PCDH10: variants seen among roughly 807,000 people sequenced by gnomAD.
The protein encoded by PCDH10 is protocadherin 10.
Under a neutral mutation model 74.4 loss-of-function variants are expected in PCDH10, and 15 were observed. The ratio of observed to expected loss-of-function variants is 0.20; its 90% CI spans 0.13 to 0.31. The LOEUF is 0.31. Ranked by LOEUF, PCDH10 falls within the 10% of genes least tolerant of loss-of-function variation. The probability of loss-of-function intolerance (pLI) is 1.00; values close to 1 mark genes in which losing one functional copy is unlikely to be tolerated. For missense variants in PCDH10, 1,260 were observed against 1,390.2 expected (o/e 0.91, Z 1.49); for synonymous variants, 619 against 589.8 (o/e 1.05, Z -0.72).
chr4:133,197,021 T>C (rs1263209745), downstream of PCDH10, among the ~76,000 whole-genome samples: 5 of 152,190 alleles, frequency 3.3e-5, no homozygotes, highest in Non-Finnish European at 4.4e-5. Context: ...GAAAGTAGAC[T>C]TGCCATTGGT....
Position 133,150,304 on chromosome 4 carries a change from C to G in PCDH10, c.164C>G (p.Thr55Arg), listed in dbSNP as rs199719551. 1 of 1,613,676 alleles carries G rather than the reference C, an allele frequency of 6.2e-7. No individual in the cohort carries two copies. Among genetic ancestry groups the G allele is most frequent in the Non-Finnish European group, 8.5e-7 (1 of 1,179,872 alleles). ...AAACTTTCGGCTCGCGGGTTTCAGA[C>G]GGTGCCCAACTCAAGGACCCCTTAC... ...ITKLSARGFQ[T>R]VPNSRTPYLD... Residue 55 changes from threonine (T) to arginine (R), a missense_variant, in exon 1 of 5, where the codon ACG becomes AGG. Thr to Arg is a moderately conservative substitution (Grantham distance 71). Around this residue, in one of 11 missense-constraint regions of PCDH10, gnomAD observed 103 missense variants for 91.5 expected, o/e 1.13. Coordinates refer to ENST00000264360, the MANE Select transcript of PCDH10 (RefSeq NM_032961.3).
At position 133,151,811 on chromosome 4, in the gene PCDH10, C is replaced by A; in HGVS notation, c.1671C>A (p.Asn557Lys). The change falls in exon 1 of 5, where the codon AAC becomes AAA. Residue 557 changes from asparagine to lysine, a missense_variant. Asn to Lys is a moderately conservative substitution (Grantham distance 94, BLOSUM62 0). Around this residue, in one of 11 missense-constraint regions of PCDH10, gnomAD observed 587 missense variants for 616.9 expected, o/e 0.95. Transcript: ENST00000264360. ...GCAGCCCCCAGGCGCTGGCTGGTAA[C>A]GCCACTGTCAACATCCTCATAGTGG... ...DAGSPQALAG[N>K]ATVNILIVDQ... The A allele has an allele frequency of 1.2e-6, 2 of 1,613,116 alleles. No homozygotes were observed. The highest frequency in any genetic ancestry group is 1.1e-5 in the South Asian group (1 of 91,086).
At chr4:133,173,151 G>A (rs566220895) in intron 4 of PCDH10, among the ~76,000 whole-genome samples, 1 of 152,086 alleles carries the variant, frequency 6.6e-6, no homozygotes, top group East Asian at 1.9e-4. Context: ...GTGACAAATT[G>A]TGGACTATGA....
At chr4:133,165,671 C>T (rs1041411105) in intron 4 of PCDH10, among the ~76,000 whole-genome samples, 1 of 151,594 alleles carries the variant, frequency 6.6e-6, no homozygotes, top group African/African-American at 2.4e-5. Context: ...ATATAATGTA[C>T]ATTTTGATGT....
At chr4:133,170,697 T>C (rs1055405928) in intron 4 of PCDH10, among the ~76,000 whole-genome samples, 10 of 139,564 alleles carry the variant, frequency 7.2e-5, no homozygotes, top group Admixed American at 6.8e-5. Context: ...CTTTTTGTTT[T>C]TGATTTTTTT....
chr4:133,161,791 C>A (rs1210849096), intron 3 of PCDH10, among the ~76,000 whole-genome samples: 2 of 151,950 alleles, frequency 1.3e-5, no homozygotes, highest in Non-Finnish European at 1.5e-5. Flanking sequence ...TCATTCCACA[C>A]CCAGCTCCAT....
intron 4 of PCDH10, among the ~76,000 whole-genome samples, chr4:133,169,282 T>G (rs1357960457): frequency 6.6e-6 from 1 of 151,918 alleles, no homozygotes; most frequent in African/African-American, 2.4e-5. Context: ...AGGATTTATT[T>G]ATTTGCATTT....
chr4:133,188,665 GTTT>G (rs1167321577), intron 4 of PCDH10, among the ~76,000 whole-genome samples: 104 of 74,654 alleles, frequency 1.4e-3, no homozygotes, highest in African/African-American at 5.0e-3. Flanking sequence ...ACTGCTATGG[GTTT>G]TTTTTTTTTT....
Position 133,151,862 on chromosome 4 carries a change from C to G in PCDH10, c.1722C>G (p.Ile574Met), listed in dbSNP as rs764357238. The part of the protein sequence containing the change: ...IVDQNDNAPA[I>M]VAPLPGRNGT... ...ATCAAAATGACAACGCCCCTGCCAT[C>G]GTGGCGCCTCTACCAGGGCGCAACG... Residue 574 changes from isoleucine (I) to methionine (M), a missense_variant, in exon 1 of 5, where the codon ATC (isoleucine) becomes ATG (methionine). Ile to Met is a conservative substitution (Grantham distance 10). This residue lies in a region of PCDH10 where 587 missense variants were observed against 616.9 expected (regional missense o/e 0.95). Transcript: ENST00000264360. The G allele has an allele frequency of 6.2e-7, 1 of 1,613,124 alleles. No individual in the cohort carries two copies. Among genetic ancestry groups the G allele is most frequent in the East Asian group, 2.2e-5 (1 of 44,876 alleles).
At chr4:133,179,921 C>T (rs1727377501) in intron 4 of PCDH10, among the ~76,000 whole-genome samples, 1 of 151,888 alleles carries the variant, frequency 6.6e-6, no homozygotes, top group South Asian at 2.1e-4. Context: ...TCTACCCTGA[C>T]TTAGATAAAT....
At chr4:133,199,485 C>A (rs907203777), downstream of PCDH10, among the ~76,000 whole-genome samples, 6 of 150,552 alleles carry the variant, frequency 4.0e-5, no homozygotes, top group South Asian at 1.3e-3. Context: ...AATTGAGAGG[C>A]ATTTCGGGGG....
chr4:133,154,849 T>C, intron 2 of PCDH10, 68 bp from the exon 3 acceptor site: 4 of 1,084,066 alleles, frequency 3.7e-6, no homozygotes, highest in Non-Finnish European at 5.7e-6. Context: ...GACCATGTGG[T>C]GGCAGAAGAA....
chr4:133,194,001 T>C lies in PCDH10; in HGVS notation c.*3841T>C, dbSNP rs566092042. The C allele has an allele frequency of 6.6e-6, 1 of 151,860 alleles. No individual in the cohort carries two copies. The highest frequency in any genetic ancestry group is 2.1e-4 in the South Asian group (1 of 4,822). 9.4% of individuals were successfully genotyped at this position (151,860 alleles called of 1,614,324 possible). A position where few individuals can be genotyped will look rare whatever the true frequency, so the allele number is the denominator to read the frequency against. On this transcript the variant is annotated 3_prime_UTR_variant, in exon 5 of 5. Coordinates refer to ENST00000264360, the MANE Select transcript of PCDH10 (RefSeq NM_032961.3). ...CATCCCTCTGCTAAGTCAGACAAAA[T>C]CCTTATACAGTAATTTGTGAAACTG...
intron 2 of PCDH10, among the ~76,000 whole-genome samples, chr4:133,205,261 C>T (rs956393067): frequency 6.6e-6 from 1 of 152,126 alleles, no homozygotes; most frequent in Non-Finnish European, 1.5e-5. Flanking sequence ...ATGAAAAAGA[C>T]CAAAACTCTG....
In PCDH10 at chr4:133,193,470, C is replaced by T. The variant is rs1242852008; in HGVS notation, c.*3310C>T. On this transcript the variant is annotated 3_prime_UTR_variant, in exon 5 of 5. Transcript: ENST00000264360. ...TCTCTGTATTATAGAAGCTATCTTG[C>T]TTCTTCAATAAGAGGAGGAAAAAGA... 6.6e-6 allele frequency: 1 copy of T among 151,512 alleles called. No homozygotes were observed. Among genetic ancestry groups the T allele is most frequent in the Non-Finnish European group, 1.5e-5 (1 of 67,620 alleles). The allele number at this position is 151,512 out of a possible 1,614,324, so 9.4% of individuals were successfully genotyped here.
Position 133,162,994 on chromosome 4 carries a change from A to G in PCDH10, c.2815A>G (p.Asn939Asp), listed in dbSNP as rs1727000178. The change falls in exon 4 of 5, where the codon AAT becomes GAT. Residue 939 changes from asparagine to aspartate, a missense_variant. Transcript: ENST00000264360. ...GCTTACAGGTATGGATCTCTTCTCC[A>G]ATTGCACTGAGGAATGTAAAGCTCT... ...AQSAGMDLFS[N>D]CTEECKALGH... The G allele has an allele frequency of 6.2e-7, 1 of 1,612,410 alleles. No individual in the cohort carries two copies. The highest frequency in any genetic ancestry group is 8.5e-7 in the Non-Finnish European group (1 of 1,178,684).
downstream of PCDH10, among the ~76,000 whole-genome samples, chr4:133,197,377 A>G (rs899080658): frequency 6.6e-6 from 1 of 152,192 alleles, no homozygotes; most frequent in Non-Finnish European, 1.5e-5. Context: ...AAGTTGCTCT[A>G]ATAGTAGACT....
chr4:133,175,223 T>G (rs1727271344), intron 4 of PCDH10, among the ~76,000 whole-genome samples: 1 of 152,080 alleles, frequency 6.6e-6, no homozygotes, highest in South Asian at 2.1e-4. Context: ...CCTCTCTAAT[T>G]TCAAAGGGAC....
rs947598868 is a variant in PCDH10, at chr4:133,206,028, C to A, written n.438-2048C>A. ...TACTCTAAAACGCTGAAGATAAATT[C>A]TGTCCCTGTGTGGAGGGCTTTTTGA... On this transcript the variant is annotated intron_variant and non_coding_transcript_variant, in intron 2 of 2. Transcript: ENST00000511112. 2.6e-5 allele frequency among the ~76,000 whole-genome samples: 4 copies of A among 152,246 alleles called. No individual in the cohort carries two copies. In the East Asian group the frequency reaches 7.7e-4, roughly 29 times the overall value.
Sources: gnomAD v4.1 joint callset for allele counts (sites outside exome capture counted in the v4.1 genomes callset) on GRCh38, gnomAD v4.1.1 for gene constraint, gnomAD v4.1.1 regional missense constraint, MANE v1.5 for transcripts, NCBI Gene and HGNC (gene_info 2026-07-23, HGNC 2026-07-21) for gene names.